ANK2: variants seen among roughly 807,000 people sequenced by gnomAD.
The protein encoded by ANK2 is ankyrin 2.
A neutral mutation model predicts 360.5 loss-of-function variants in ANK2; 83 were observed. The observed-to-expected ratio is 0.23, with a 90% CI of 0.19 to 0.28. The LOEUF is 0.28. Among genes scored for constraint, ANK2 ranks in the 10% least tolerant of loss-of-function variants. ANK2 has a pLI of 1.00. For missense variants in ANK2, 4,201 were observed against 4,795.7 expected (o/e 0.88, Z 3.66); for synonymous variants, 1,740 against 1,759.5 (o/e 0.99, Z 0.28).
chr4:112,876,100 C>A (rs2075019942), intron 1 of ANK2, among the ~76,000 whole-genome samples: 2 of 151,694 alleles, frequency 1.3e-5, no homozygotes, highest in Admixed American at 6.6e-5. Context: ...GTCTTACCAA[C>A]AATTTAATGT....
At chr4:112,774,146 GGTAA>G in the ANK2 span, among the ~76,000 whole-genome samples, 1 of 151,968 alleles carries the variant, frequency 6.6e-6, no homozygotes, top group East Asian at 1.9e-4. Flanking sequence ...TCTTTACTGT[GGTAA>G]GTGGTGTAAG....
rs28579003 is a variant in ANK2 at position 113,033,004 on chromosome 4, G to A, written c.21+128490G>A. On this transcript the variant is annotated intron_variant, in intron 2 of 30. Coordinates refer to the ANK2 transcript ENST00000503271. ...TTCCAGTATCAGGAAAAGCATGTGC[G>A]TCCATGTGGAATCACAAGCACTACT... is the stretch of plus-strand genomic sequence containing the variant. Among the ~76,000 whole-genome samples, 1,011 of 152,138 alleles carry A rather than the reference G, an allele frequency of 6.6e-3. 10 individuals carry two copies. The highest frequency in any genetic ancestry group is 0.023 in the African/African-American group (966 of 41,528).
At chr4:112,966,258 A>G (rs1482707483) in intron 2 of ANK2, among the ~76,000 whole-genome samples, 2 of 151,662 alleles carry the variant, frequency 1.3e-5, no homozygotes, top group Non-Finnish European at 2.9e-5. Context: ...CTCGTAAAAG[A>G]TTATATCTCA....
intron 2 of ANK2, among the ~76,000 whole-genome samples, chr4:113,037,622 G>A (rs887025621): frequency 6.6e-6 from 1 of 151,934 alleles, no homozygotes; most frequent in African/African-American, 2.4e-5. Context: ...AATTTCTTGA[G>A]GAGGATTGTT....
the ANK2 span, among the ~76,000 whole-genome samples, chr4:112,805,877 A>G: frequency 1.3e-5 from 2 of 152,176 alleles, no homozygotes; most frequent in African/African-American, 2.4e-5. Flanking sequence ...GCCCGGCCAC[A>G]TGCAGACTTT....
intron 24 of ANK2, chr4:113,317,323 G>A: frequency 3.6e-6 from 1 of 275,832 alleles, no homozygotes; most frequent in Non-Finnish European, 7.2e-6. Context: ...ATTTTTCTTA[G>A]TTGCAGAGAG....
intron 20 of ANK2, among the ~76,000 whole-genome samples, chr4:113,289,453 C>T (rs540007972): frequency 6.6e-6 from 1 of 152,186 alleles, no homozygotes; most frequent in South Asian, 2.1e-4. Context: ...AAGCGAAATT[C>T]TCCCACCTTG....
At chr4:112,836,270 T>C (rs1024537443) in intron 1 of ANK2, among the ~76,000 whole-genome samples, 12 of 152,240 alleles carry the variant, frequency 7.9e-5, no homozygotes, top group African/African-American at 2.4e-4. Context: ...AGAAGGTGCC[T>C]TGCTTCCCCT....
intron 1 of ANK2, among the ~76,000 whole-genome samples, chr4:112,871,436 C>A (rs2073005192): frequency 6.6e-6 from 1 of 152,198 alleles, no homozygotes; most frequent in Admixed American, 6.5e-5. Flanking sequence ...ATCCGCCTGC[C>A]TTGGCCTCCC....
At chr4:113,087,181 A>G (rs2085276498) in intron 1 of ANK2, among the ~76,000 whole-genome samples, 1 of 152,220 alleles carries the variant, frequency 6.6e-6, no homozygotes, top group African/African-American at 2.4e-5. Flanking sequence ...TGGGATTTGA[A>G]GGATGAGTAC....
intron 1 of ANK2, among the ~76,000 whole-genome samples, chr4:112,875,011 G>A (rs941867330): frequency 1.3e-5 from 2 of 151,704 alleles, no homozygotes; most frequent in Admixed American, 1.3e-4. Context: ...AGGCCATTCT[G>A]AGAAATTATG....
At chr4:112,920,111 A>G (rs1236769904) in intron 2 of ANK2, among the ~76,000 whole-genome samples, 2 of 152,166 alleles carry the variant, frequency 1.3e-5, no homozygotes, top group Non-Finnish European at 2.9e-5. Flanking sequence ...TGGCAAAATT[A>G]GGTCTAGAAC....
chr4:112,861,839 C>CAGAGAGCG (rs2068126778), intron 1 of ANK2, among the ~76,000 whole-genome samples: 1 of 140,406 alleles, frequency 7.1e-6, no homozygotes. Flanking sequence ...TACATAGAGA[C>CAGAGAGCG]AGAGAGAGAG....
chr4:112,989,672 T>C (rs2046092900), intron 2 of ANK2, among the ~76,000 whole-genome samples: 1 of 152,174 alleles, frequency 6.6e-6, no homozygotes, highest in Admixed American at 6.5e-5. Flanking sequence ...CTCTCTCAAA[T>C]TGTGGACATT....
rs1325949260 is a variant in ANK2 at position 113,199,026 on chromosome 4, C to G, written c.301C>G (p.Leu101Val). The change falls in exon 4 of 46, where the codon CTT becomes GTT. Residue 101 changes from leucine (L) to valine (V), a missense_variant. Physicochemically the swap from Leu to Val is conservative, Grantham distance 32. This residue lies in a region of ANK2 where 169 missense variants were observed against 191.1 expected (regional missense o/e 0.88). Transcript: ENST00000357077. ...TCCAAAACAGAAGGGAAATACCGCT[C>G]TTCACATTGCATCTTTGGCTGGACA... is the stretch of plus-strand genomic sequence containing the variant. ...DSATKKGNTA[L>V]HIASLAGQAE... 1 of 1,613,060 alleles carries G rather than the reference C, an allele frequency of 6.2e-7. No homozygotes were observed. The highest frequency in any genetic ancestry group is 1.1e-5 in the South Asian group (1 of 91,068).
At chr4:112,801,896 C>A in the ANK2 span, among the ~76,000 whole-genome samples, 1 of 151,248 alleles carries the variant, frequency 6.6e-6, no homozygotes, top group Non-Finnish European at 1.5e-5. Context: ...GGAAAGATAA[C>A]TCTAGCTACG....
intron 2 of ANK2, among the ~76,000 whole-genome samples, chr4:112,942,070 A>G (rs1036282258): frequency 6.6e-6 from 1 of 151,924 alleles, no homozygotes; most frequent in Non-Finnish European, 1.5e-5. Flanking sequence ...TTATTTTCCT[A>G]ATTTTCTATA....
At chr4:113,282,024 G>A (rs1035321147) in intron 17 of ANK2, among the ~76,000 whole-genome samples, 5 of 152,124 alleles carry the variant, frequency 3.3e-5, no homozygotes, top group Admixed American at 6.5e-5. Context: ...CACACTGCTC[G>A]GCATATTCTA....
intron 1 of ANK2, among the ~76,000 whole-genome samples, chr4:113,093,482 G>T (rs1329111070): frequency 6.6e-6 from 1 of 151,918 alleles, no homozygotes; most frequent in Non-Finnish European, 1.5e-5. Context: ...CAGCCTCCAG[G>T]CATCCACCAT....
Sources: allele counts gnomAD v4.1 joint callset (sites outside exome capture counted in the v4.1 genomes callset), GRCh38; gene constraint gnomAD v4.1.1; regional missense constraint gnomAD v4.1.1; transcripts MANE v1.5; gene names NCBI Gene and HGNC (gene_info 2026-07-23, HGNC 2026-07-21).